The following PTPRT variants were observed in gnomAD, a reference collection of about 807,000 sequenced individuals.
PTPRT encodes the protein receptor-type tyrosine-protein phosphatase T.
A neutral mutation model predicts 176.8 loss-of-function variants in PTPRT; 56 were observed. The observed-to-expected ratio is 0.32, with a 90% confidence interval of 0.26 to 0.40. The LOEUF is 0.40. PTPRT is among the 10% of genes least tolerant of loss of function. The probability of loss-of-function intolerance (pLI) is 1.00; values close to 1 mark genes in which losing one functional copy is unlikely to be tolerated. For missense variants in PTPRT, 1,540 were observed against 1,908.2 expected, an observed-to-expected ratio of 0.81 and a Z score of 3.60; for synonymous variants, 783 against 739.0, an observed-to-expected ratio of 1.06 and a Z score of -0.96.
At chr20:42,590,176 G>T (rs2030360457) in intron 7 of PTPRT, among the ~76,000 whole-genome samples, 1 of 152,138 alleles carries the variant, frequency 6.6e-6, no homozygotes, top group African/African-American at 2.4e-5. Context: ...AACAGCCCCA[G>T]TTGAGGCCCC....
intron 6 of PTPRT, among the ~76,000 whole-genome samples, chr20:42,686,889 C>T (rs939173522): frequency 2.0e-5 from 3 of 152,098 alleles, no homozygotes; most frequent in African/African-American, 7.2e-5. Context: ...TTCGCAAATC[C>T]ATGCTAAAGG....
intron 7 of PTPRT, among the ~76,000 whole-genome samples, chr20:42,594,934 T>C (rs1306752361): frequency 1.3e-5 from 2 of 152,174 alleles, no homozygotes; most frequent in African/African-American, 4.8e-5. Context: ...TGAATGTTTA[T>C]AAATGTTAGA....
At chr20:43,180,407 C>CAT (rs1214965614) in intron 1 of PTPRT, among the ~76,000 whole-genome samples, 1 of 150,088 alleles carries the variant, frequency 6.7e-6, no homozygotes, top group Non-Finnish European at 1.5e-5. Flanking sequence ...CTCTCCCTGT[C>CAT]ATATATATAT....
intron 6 of PTPRT, among the ~76,000 whole-genome samples, chr20:42,690,798 A>G (rs538066388): frequency 1.8e-4 from 27 of 152,352 alleles, no homozygotes; most frequent in African/African-American, 6.3e-4. Flanking sequence ...TGTGACATTA[A>G]GCAAGTGATA....
At chr20:42,573,741 C>CT (rs1568987818) in intron 7 of PTPRT, among the ~76,000 whole-genome samples, 16 of 98,152 alleles carry the variant, frequency 1.6e-4, no homozygotes, top group African/African-American at 6.5e-4. Context: ...CGGACCCTTT[C>CT]TTTCTTTCTT....
At chr20:42,588,213 GT>G (rs1334111637) in intron 7 of PTPRT, among the ~76,000 whole-genome samples, 1 of 152,154 alleles carries the variant, frequency 6.6e-6, no homozygotes, top group African/African-American at 2.4e-5. Flanking sequence ...GGAGGCTAAG[GT>G]GGGTGGATCA....
chr20:42,100,663 G>A (rs548981013), intron 26 of PTPRT, among the ~76,000 whole-genome samples: 135 of 152,144 alleles, frequency 8.9e-4, no homozygotes, highest in Non-Finnish European at 2.8e-4. Flanking sequence ...AAAGCTAGGA[G>A]GAAATTGGAA....
chr20:42,314,165 G>A (rs916189587), intron 12 of PTPRT, among the ~76,000 whole-genome samples: 17 of 152,142 alleles, frequency 1.1e-4, no homozygotes, highest in African/African-American at 4.1e-4. Context: ...AGCTCTTGGA[G>A]GGTACATACT....
intron 9 of PTPRT, among the ~76,000 whole-genome samples, chr20:42,432,391 G>A (rs1457774884): frequency 1.3e-5 from 2 of 152,142 alleles, no homozygotes; most frequent in African/African-American, 2.4e-5. Context: ...AATATCTTTG[G>A]TACTTTTGTA....
At chr20:43,084,757 T>G (rs1450047044) in intron 1 of PTPRT, among the ~76,000 whole-genome samples, 1 of 152,132 alleles carries the variant, frequency 6.6e-6, no homozygotes, top group East Asian at 1.9e-4. Flanking sequence ...GTATATGAAA[T>G]TTATGTATAT....
chr20:42,459,687 G>C (rs1162317855), intron 8 of PTPRT, among the ~76,000 whole-genome samples: 3 of 152,154 alleles, frequency 2.0e-5, no homozygotes, highest in Non-Finnish European at 2.9e-5. Flanking sequence ...AAAGGGTGAA[G>C]AGGTTCTCTT....
intron 1 of PTPRT, among the ~76,000 whole-genome samples, chr20:43,011,938 ACAT>A (rs1568732650): frequency 6.6e-6 from 1 of 152,264 alleles, no homozygotes; most frequent in South Asian, 2.1e-4. Flanking sequence ...CTGCCCTCGA[ACAT>A]CAGACCCCAA....
At chr20:42,984,100 A>G (rs1983429495) in intron 1 of PTPRT, among the ~76,000 whole-genome samples, 1 of 152,266 alleles carries the variant, frequency 6.6e-6, no homozygotes, top group East Asian at 1.9e-4. Context: ...ACAAGTTAAT[A>G]GGCATGCATT....
intron 12 of PTPRT, among the ~76,000 whole-genome samples, chr20:42,293,094 C>T (rs1473765124): frequency 6.6e-6 from 1 of 152,214 alleles, no homozygotes; most frequent in African/African-American, 2.4e-5. Context: ...TTAGGCTCCA[C>T]TTGAGGCAAT....
chr20:42,894,305 G>T (rs1243677728), intron 1 of PTPRT, among the ~76,000 whole-genome samples: 1 of 152,146 alleles, frequency 6.6e-6, no homozygotes, highest in African/African-American at 2.4e-5. Flanking sequence ...CAAGGACCAA[G>T]TAATCACAAT....
chr20:42,809,109 G>A (rs1232318610), intron 2 of PTPRT, among the ~76,000 whole-genome samples: 1 of 152,216 alleles, frequency 6.6e-6, no homozygotes, highest in Non-Finnish European at 1.5e-5. Flanking sequence ...CAGAGGATGT[G>A]GCTGCAGCAA....
At chr20:43,179,418 T>C (rs1196453065) in intron 1 of PTPRT, among the ~76,000 whole-genome samples, 1 of 152,252 alleles carries the variant, frequency 6.6e-6, no homozygotes, top group African/African-American at 2.4e-5. Flanking sequence ...AACTGGGATA[T>C]GTACATGTAA....
At chr20:42,054,286 G>A in the PTPRT span, among the ~76,000 whole-genome samples, 3 of 152,188 alleles carry the variant, frequency 2.0e-5, no homozygotes, top group Non-Finnish European at 2.9e-5. Flanking sequence ...GTGGAGGGAG[G>A]TAGACTGTTT....
chr20:42,472,460 C>A lies in PTPRT; in HGVS notation c.1256G>T (p.Ser419Ile). The change falls in exon 8 of 31, where the codon AGC (serine) becomes ATC (isoleucine). Residue 419 changes from serine to isoleucine, a missense_variant. This residue lies in a region of PTPRT where 79 missense variants were observed against 80.0 expected (regional missense o/e 0.99). Transcript: ENST00000373187. The stretch of plus-strand genomic sequence containing the variant: ...CTGGTACTGCACGGTGAGGTTGTAG[C>A]TATGGCAGCGGGTCACCGCGTAGCC... ...PFGYAVTRCH[S>I]YNLTVQYQYV... 6.2e-7 allele frequency: 1 copy of A among 1,614,256 alleles called. No homozygotes were observed. Among genetic ancestry groups the A allele is most frequent in the Non-Finnish European group, 8.5e-7 (1 of 1,180,044 alleles).
Sources: allele counts gnomAD v4.1 joint callset (sites outside exome capture counted in the v4.1 genomes callset), GRCh38; gene constraint gnomAD v4.1.1; regional missense constraint gnomAD v4.1.1; transcripts MANE v1.5; gene names NCBI Gene and HGNC (gene_info 2026-07-23, HGNC 2026-07-21).